The following CADM1 variants were observed in gnomAD, a reference collection of about 807,000 sequenced individuals.
CADM1 encodes the protein cell adhesion molecule 1.
CADM1 carries 15 observed loss-of-function variants against 53.1 expected under a neutral mutation model. The ratio of observed to expected loss-of-function variants is 0.28; its 90% CI spans 0.19 to 0.44. The LOEUF (loss-of-function observed/expected upper bound fraction) is 0.44. Among genes scored for constraint, CADM1 ranks in the 20% least tolerant of loss-of-function variants. The probability of loss-of-function intolerance (pLI) is 1.00; values close to 1 mark genes in which losing one functional copy is unlikely to be tolerated. For synonymous variants in CADM1, 281 were observed against 243.0 expected (o/e 1.16, Z -1.45); for missense variants, 434 against 611.3 (o/e 0.71, Z 3.06).
At chr11:115,354,221 G>C (rs185617662) in intron 1 of CADM1, among the ~76,000 whole-genome samples, 7 of 152,224 alleles carry the variant, frequency 4.6e-5, no homozygotes, top group African/African-American at 1.7e-4. Flanking sequence ...CCTACTATGT[G>C]ACAATCATGC....
chr11:115,247,750 G>C (rs1942452496), intron 1 of CADM1, among the ~76,000 whole-genome samples: 1 of 152,100 alleles, frequency 6.6e-6, no homozygotes, highest in Non-Finnish European at 1.5e-5. Flanking sequence ...AATTCCTTTG[G>C]GGAGAGGCAG....
intron 1 of CADM1, among the ~76,000 whole-genome samples, chr11:115,365,936 G>A (rs1215604008): frequency 6.6e-6 from 1 of 152,130 alleles, no homozygotes; most frequent in Non-Finnish European, 1.5e-5. Flanking sequence ...TTAACACTGG[G>A]GCAGCTGTCT....
chr11:115,328,175 T>C (rs1945009841), intron 1 of CADM1, among the ~76,000 whole-genome samples: 4 of 152,242 alleles, frequency 2.6e-5, no homozygotes, highest in Admixed American at 2.6e-4. Flanking sequence ...CTCTCTGATA[T>C]GAAGACACCC....
intron 1 of CADM1, among the ~76,000 whole-genome samples, chr11:115,333,103 C>T (rs1945175581): frequency 1.3e-5 from 2 of 152,074 alleles, no homozygotes; most frequent in African/African-American, 2.4e-5. Flanking sequence ...TAGCAAATTC[C>T]TCCCCTCTTT....
chr11:115,383,391 T>G (rs1359048828), intron 1 of CADM1, among the ~76,000 whole-genome samples: 1 of 152,252 alleles, frequency 6.6e-6, no homozygotes, highest in Non-Finnish European at 1.5e-5. Context: ...TGAGATATGC[T>G]TCTATAGTTT....
chr11:115,404,344 AAAATATATAT>A (rs1444720788), intron 1 of CADM1, among the ~76,000 whole-genome samples: 4 of 38,180 alleles, frequency 1.0e-4, no homozygotes, highest in African/African-American at 3.6e-4. Context: ...AAAAAAAAAA[AAAATATATAT>A]ATATATATAT....
At chr11:115,472,515 AT>A (rs1301037759) in intron 1 of CADM1, among the ~76,000 whole-genome samples, 1 of 152,268 alleles carries the variant, frequency 6.6e-6, no homozygotes, top group Non-Finnish European at 1.5e-5. Context: ...TTATTAACAA[AT>A]CAATGTACAG....
intron 1 of CADM1, among the ~76,000 whole-genome samples, chr11:115,482,829 C>T (rs560080559): frequency 5.3e-5 from 8 of 152,206 alleles, no homozygotes; most frequent in African/African-American, 1.4e-4. Context: ...TATAATAAAA[C>T]GAATAGGACT....
chr11:115,395,909 T>G (rs1261576848), intron 1 of CADM1, among the ~76,000 whole-genome samples: 1 of 152,216 alleles, frequency 6.6e-6, no homozygotes, highest in African/African-American at 2.4e-5. Context: ...TATTTCTTTT[T>G]TAAAGAAATG....
At chr11:115,323,888 A>C (rs1006326628) in intron 1 of CADM1, among the ~76,000 whole-genome samples, 1 of 139,664 alleles carries the variant, frequency 7.2e-6, no homozygotes, top group South Asian at 2.6e-4. Context: ...GATACGAAAA[A>C]GGAAAAAAAA....
intron 10 of CADM1, among the ~76,000 whole-genome samples, chr11:115,183,652 A>G (rs1157409156): frequency 2.0e-5 from 3 of 152,210 alleles, no homozygotes; most frequent in East Asian, 1.9e-4. Context: ...GATACACAAT[A>G]AAGTATGCAG....
chr11:115,286,213 T>C (rs1943724647), intron 1 of CADM1, among the ~76,000 whole-genome samples: 1 of 152,242 alleles, frequency 6.6e-6, no homozygotes, highest in East Asian at 1.9e-4. Flanking sequence ...CACTGAAGTT[T>C]ACTTTGCAAC....
At chr11:115,363,749 T>C (rs1430784719) in intron 1 of CADM1, 2 of 152,194 alleles carry the variant, frequency 1.3e-5, no homozygotes, top group Non-Finnish European at 2.9e-5. Context: ...TCAAATGACC[T>C]TGGGATTGTG....
chr11:115,503,915 AGAAGGGTCCG>A (rs1949792134), intron 1 of CADM1, among the ~76,000 whole-genome samples: 1 of 152,112 alleles, frequency 6.6e-6, no homozygotes, highest in Admixed American at 6.5e-5. Flanking sequence ...CGGCGAGTTT[AGAAGGGTCCG>A]GAAGGGTTGA....
chr11:115,493,425 C>A (rs2135431838), intron 1 of CADM1, among the ~76,000 whole-genome samples: 1 of 152,122 alleles, frequency 6.6e-6, no homozygotes, highest in Non-Finnish European at 1.5e-5. Flanking sequence ...CAAGGTTTAC[C>A]AATGCTGCTC....
intron 1 of CADM1, among the ~76,000 whole-genome samples, chr11:115,294,798 G>A (rs1324362863): frequency 6.6e-6 from 1 of 152,218 alleles, no homozygotes; most frequent in Non-Finnish European, 1.5e-5. Flanking sequence ...ACCTTGGGAG[G>A]AGGAGGTGGG....
intron 1 of CADM1, among the ~76,000 whole-genome samples, chr11:115,385,182 CAAAAAAA>C (rs34684645): frequency 6.6e-5 from 6 of 90,940 alleles, no homozygotes; most frequent in African/African-American, 1.7e-4. Flanking sequence ...ATGTGCTTTC[CAAAAAAA>C]AAAAAAACAG....
chr11:115,198,648 A>C (rs1940276668), intron 8 of CADM1, among the ~76,000 whole-genome samples: 1 of 152,232 alleles, frequency 6.6e-6, no homozygotes, highest in Non-Finnish European at 1.5e-5. Flanking sequence ...GCTGCGAGCC[A>C]GTGAGGAAAA....
chr11:115,466,639 A>C (rs1304670923), intron 1 of CADM1, among the ~76,000 whole-genome samples: 1 of 152,200 alleles, frequency 6.6e-6, no homozygotes, highest in Non-Finnish European at 1.5e-5. Flanking sequence ...CCCATGTGTG[A>C]GATCAAATTT....
Sources: gnomAD v4.1 joint callset for allele counts (sites outside exome capture counted in the v4.1 genomes callset) on GRCh38, gnomAD v4.1.1 for gene constraint, MANE v1.5 for transcripts, NCBI Gene and HGNC (gene_info 2026-07-23, HGNC 2026-07-21) for gene names.